PAPPA2: variants seen among roughly 807,000 people sequenced by gnomAD.
The protein encoded by PAPPA2 is pappalysin 2.
In PAPPA2, 86 loss-of-function variants were observed where a neutral mutation model predicts 176.4. The ratio of observed to expected loss-of-function variants is 0.49; its 90% CI spans 0.41 to 0.58. The LOEUF (loss-of-function observed/expected upper bound fraction) is 0.58. Ranked by LOEUF, PAPPA2 falls within the 20% of genes least tolerant of loss-of-function variation. The pLI, the probability that PAPPA2 is intolerant of heterozygous loss-of-function variation, is 0.00. For synonymous variants in PAPPA2, 809 were observed against 852.2 expected, an observed-to-expected ratio of 0.95 and a Z score of 0.88; for missense variants, 2,073 against 2,256.9, an observed-to-expected ratio of 0.92 and a Z score of 1.65.
At chr1:176,532,747 G>A (rs896082690) in intron 1 of PAPPA2, among the ~76,000 whole-genome samples, 10 of 152,192 alleles carry the variant, frequency 6.6e-5, no homozygotes, top group Admixed American at 5.2e-4. Flanking sequence ...CACTCACACA[G>A]CCACGTCATG....
chr1:176,679,236 G>A (rs1372411188), intron 4 of PAPPA2, among the ~76,000 whole-genome samples: 1 of 151,966 alleles, frequency 6.6e-6, no homozygotes, highest in Non-Finnish European at 1.5e-5. Context: ...GTTCTCTATG[G>A]TCACGTAGAC....
rs1405952836 is a variant in PAPPA2, at chr1:176,498,752, A to AC, written c.-917+35334_-917+35335insC. On this transcript the variant is annotated intron_variant, in intron 1 of 22. Transcript: ENST00000367662. ...GCGACAGAGCGAGACTCTTACCTCC[A>AC]AAAAAAAAAAAAAAGAAGAAGAAAT... Among the ~76,000 whole-genome samples, 74 of 132,718 alleles carry AC rather than the reference A, an allele frequency of 5.6e-4. No homozygotes were observed. In the East Asian group the frequency reaches 6.5e-3, roughly 12 times the overall value. 87.1% of individuals were successfully genotyped at this position (132,718 alleles called of 152,430 possible). A position where few individuals can be genotyped will look rare whatever the true frequency, so the allele number is the denominator to read the frequency against.
At position 176,514,606 on chromosome 1, in the gene PAPPA2, C is replaced by T. The variant is rs186364879; in HGVS notation, c.-916-40801C>T. ...GGGCTTTCAATCATTTTGACTCAAC[C>T]CTTGTTTCACTGCAGCCTAGGCTCA... is the stretch of plus-strand genomic sequence containing the variant. On this transcript the variant is annotated intron_variant, in intron 1 of 22. Transcript: ENST00000367662. Among the ~76,000 whole-genome samples, 12 of 152,342 alleles carry T rather than the reference C, an allele frequency of 7.9e-5. No homozygotes were observed. The East Asian group carries it at 2.1e-3, about 27-fold the overall frequency.
At chr1:176,535,855 G>A (rs1417313276) in intron 1 of PAPPA2, among the ~76,000 whole-genome samples, 3 of 152,190 alleles carry the variant, frequency 2.0e-5, no homozygotes, top group African/African-American at 7.2e-5. Flanking sequence ...CATAGGGCCT[G>A]GCACAGAGTA....
intron 12 of PAPPA2, among the ~76,000 whole-genome samples, chr1:176,718,679 A>T (rs756831464): frequency 6.6e-6 from 1 of 150,682 alleles, no homozygotes; most frequent in African/African-American, 2.4e-5. Context: ...ACTTGAAAAC[A>T]TATGTGGATT....
chr1:176,469,581 T>C (rs1651782841), intron 1 of PAPPA2, among the ~76,000 whole-genome samples: 1 of 152,208 alleles, frequency 6.6e-6, no homozygotes, highest in Admixed American at 6.5e-5. Context: ...TTCATCCAGC[T>C]GGGGAGAACA....
intron 12 of PAPPA2, 95 bp downstream of exon 12, chr1:176,712,076 G>T: frequency 7.0e-7 from 1 of 1,418,986 alleles, no homozygotes; most frequent in South Asian, 1.6e-5. Flanking sequence ...GCATTTGGAT[G>T]ACTTGTCAGA....
chr1:176,817,058 C>T (rs1666436036), intron 21 of PAPPA2, among the ~76,000 whole-genome samples: 1 of 152,124 alleles, frequency 6.6e-6, no homozygotes. Flanking sequence ...AATCCCCAGT[C>T]TGCCTTGGGG....
intron 4 of PAPPA2, among the ~76,000 whole-genome samples, chr1:176,675,010 G>T (rs1659215476): frequency 6.6e-6 from 1 of 151,876 alleles, no homozygotes; most frequent in South Asian, 2.1e-4. Flanking sequence ...TTGTGGTTTT[G>T]ATATGCATTC....
chr1:176,762,827 A>G (rs1256447650), intron 14 of PAPPA2, among the ~76,000 whole-genome samples: 1 of 152,092 alleles, frequency 6.6e-6, no homozygotes, highest in Non-Finnish European at 1.5e-5. Flanking sequence ...CACCTTATAT[A>G]TTTCTTCCTT....
chr1:176,526,664 G>T (rs1398334317), intron 1 of PAPPA2, among the ~76,000 whole-genome samples: 2 of 152,274 alleles, frequency 1.3e-5, no homozygotes, highest in African/African-American at 4.8e-5. Flanking sequence ...GACTAATAAA[G>T]CTGCCCTCCC....
chr1:176,715,492 T>C (rs1661328689), intron 12 of PAPPA2, among the ~76,000 whole-genome samples: 1 of 152,192 alleles, frequency 6.6e-6, no homozygotes, highest in African/African-American at 2.4e-5. Flanking sequence ...GGGGCCTCTG[T>C]GCCCCAACTG....
At chr1:176,831,124 G>T (rs534954589) in intron 21 of PAPPA2, among the ~76,000 whole-genome samples, 1 of 152,280 alleles carries the variant, frequency 6.6e-6, no homozygotes, top group Admixed American at 6.5e-5. Flanking sequence ...GTTGGGTTTG[G>T]TGCAGAAGGG....
At chr1:176,584,380 G>T (rs1473158225) in intron 2 of PAPPA2, among the ~76,000 whole-genome samples, 9 of 151,064 alleles carry the variant, frequency 6.0e-5, no homozygotes, top group Non-Finnish European at 1.3e-4. Context: ...TGATCCTGCT[G>T]TTATTATATA....
In PAPPA2 at chr1:176,842,618, G is replaced by C. The variant is rs12137448; in HGVS notation, c.*164G>C. The C allele has an allele frequency of 0.084, 55,374 of 662,448 alleles. 2,889 individuals are homozygous for C. Among genetic ancestry groups the C allele is most frequent in the African/African-American group, 0.19 (10,149 of 54,812 alleles). The allele number at this position is 662,448 out of a possible 1,614,324, so 41.0% of individuals were successfully genotyped here. A position where few individuals can be genotyped will look rare whatever the true frequency, so the allele number is the denominator to read the frequency against. On this transcript the variant is annotated 3_prime_UTR_variant, in exon 23 of 23. Coordinates refer to ENST00000367662, the MANE Select transcript of PAPPA2 (RefSeq NM_020318.3). ...AATGCAAGAGGATATTGATAGGTGT[G>C]AACTAGTTCATCAAGTAGCCCAAGT...
intron 1 of PAPPA2, among the ~76,000 whole-genome samples, chr1:176,486,830 G>A (rs1303338471): frequency 1.3e-5 from 2 of 152,146 alleles, no homozygotes; most frequent in African/African-American, 2.4e-5. Context: ...AGGAGGTCTT[G>A]GAGAGCCCGT....
rs1461355618 is a variant in PAPPA2 at position 176,695,845 on chromosome 1, C to T, written c.2732C>T (p.Pro911Leu). 1 of 1,613,970 alleles carries T rather than the reference C, an allele frequency of 6.2e-7. No individual in the cohort carries two copies. Among genetic ancestry groups the T allele is most frequent in the Admixed American group, 1.7e-5 (1 of 60,008 alleles). Reference protein sequence around the residue: ...RVCDSSGYWTPEEAVGPPDVD... With the variant: ...RVCDSSGYWTLEEAVGPPDVD... ...TGTGACTCCTCAGGTTATTGGACCCCAGAGGAGGCTGTGGGTAAAGTACCA... is the reference window on the plus strand; with the variant it reads ...TGTGACTCCTCAGGTTATTGGACCCTAGAGGAGGCTGTGGGTAAAGTACCA... Residue 911 changes from proline (P) to leucine (L), a missense_variant, in exon 7 of 23, where the codon CCA becomes CTA. By Grantham distance (98) the Pro-to-Leu change is moderately conservative. Around this residue, in one of 4 missense-constraint regions of PAPPA2, gnomAD observed 1,196 missense variants for 1,330.4 expected, o/e 0.90. Transcript: ENST00000367662.
intron 17 of PAPPA2, among the ~76,000 whole-genome samples, chr1:176,777,440 T>C (rs1225042235): frequency 6.6e-6 from 1 of 152,144 alleles, no homozygotes; most frequent in Non-Finnish European, 1.5e-5. Context: ...GAAGACAGAA[T>C]ATTGGGAAAA....
intron 1 of PAPPA2, among the ~76,000 whole-genome samples, chr1:176,475,581 G>C (rs999656116): frequency 2.0e-5 from 3 of 152,136 alleles, no homozygotes; most frequent in Non-Finnish European, 2.9e-5. Flanking sequence ...GAGTCCTCCA[G>C]GATGGGAACT....
Sources: allele counts gnomAD v4.1 joint callset (sites outside exome capture counted in the v4.1 genomes callset), GRCh38; gene constraint gnomAD v4.1.1; regional missense constraint gnomAD v4.1.1; transcripts MANE v1.5; gene names NCBI Gene and HGNC (gene_info 2026-07-23, HGNC 2026-07-21).